GRM5: variants seen among roughly 807,000 people sequenced by gnomAD.
GRM5 encodes metabotropic glutamate receptor 5.
A neutral mutation model predicts 83.1 loss-of-function variants in GRM5; 19 were observed. That is an observed-to-expected ratio of 0.23 (90% CI 0.16 to 0.34). The LOEUF is 0.34. Among genes scored for constraint, GRM5 ranks in the 10% least tolerant of loss-of-function variants. GRM5 has a pLI of 1.00. For synonymous variants in GRM5, 675 were observed against 633.6 expected (o/e 1.07, Z -0.98); for missense variants, 1,160 against 1,588.3 (o/e 0.73, Z 4.58).
intron 3 of GRM5, among the ~76,000 whole-genome samples, chr11:88,675,044 A>T (rs987132720): frequency 6.6e-6 from 1 of 151,894 alleles, no homozygotes; most frequent in Non-Finnish European, 1.5e-5. Context: ...TATGGTACCA[A>T]TGTTCACTTC....
In GRM5 at chr11:88,508,835, C is replaced by G; in HGVS notation, c.3396G>C (p.Gly1132=). The G allele has an allele frequency of 6.5e-7, 1 of 1,546,188 alleles. No homozygotes were observed. Among genetic ancestry groups the G allele is most frequent in the Non-Finnish European group, 8.7e-7 (1 of 1,146,740 alleles). The change falls in exon 10 of 10, where the codon GGG becomes GGC. Residue 1132 remains glycine, a synonymous_variant. Transcript: ENST00000305447. This position sits in a 1 kb window ranked among gnomAD's most constrained non-coding sequence, Gnocchi z 4.2. ...EVTGGAQPAA[G]AQAAGDAARE... Reference sequence around the variant, plus strand: ...GGGCCGCGTCCCCAGCCGCCTGCGCCCCTGCCGCGGGCTGCGCGCCTCCCG... The same window carrying G: ...GGGCCGCGTCCCCAGCCGCCTGCGCGCCTGCCGCGGGCTGCGCGCCTCCCG...
At chr11:88,601,101 T>G (rs1450037240) in intron 5 of GRM5, among the ~76,000 whole-genome samples, 1 of 152,222 alleles carries the variant, frequency 6.6e-6, no homozygotes. Context: ...AATTTTTACT[T>G]GATGATTGTG....
chr11:88,754,720 A>C (rs1232045356), intron 3 of GRM5, among the ~76,000 whole-genome samples: 1 of 152,164 alleles, frequency 6.6e-6, no homozygotes, highest in Non-Finnish European at 1.5e-5. Context: ...ATCTGTGTTC[A>C]TACATATTAA....
At chr11:88,751,223 A>C (rs1942268625) in intron 3 of GRM5, among the ~76,000 whole-genome samples, 1 of 152,064 alleles carries the variant, frequency 6.6e-6, no homozygotes. Flanking sequence ...ATTAAAAAGA[A>C]GGAAAAAGAG....
intron 4 of GRM5, among the ~76,000 whole-genome samples, chr11:88,619,407 G>A (rs1938573184): frequency 6.6e-6 from 1 of 152,146 alleles, no homozygotes; most frequent in Non-Finnish European, 1.5e-5. Flanking sequence ...TAATTCAGAA[G>A]ATGTGACAAC....
chr11:88,817,537 C>A (rs1360914475), intron 3 of GRM5, among the ~76,000 whole-genome samples: 1 of 151,994 alleles, frequency 6.6e-6, no homozygotes, highest in African/African-American at 2.4e-5. Context: ...TTTCTAATTT[C>A]TTTGACTAAT....
At chr11:89,059,778 C>G (rs867969832) in intron 1 of GRM5, among the ~76,000 whole-genome samples, 2 of 151,924 alleles carry the variant, frequency 1.3e-5, no homozygotes, top group East Asian at 3.9e-4. Flanking sequence ...ATTTATTTTT[C>G]TCTTTATGTC....
chr11:89,051,033 A>G (rs1941747735), intron 1 of GRM5, among the ~76,000 whole-genome samples: 1 of 152,142 alleles, frequency 6.6e-6, no homozygotes, highest in Non-Finnish European at 1.5e-5. Context: ...AATAATACGT[A>G]CAACAAATCC....
intron 3 of GRM5, among the ~76,000 whole-genome samples, chr11:88,727,152 G>A (rs1941704140): frequency 6.6e-6 from 1 of 152,156 alleles, no homozygotes; most frequent in African/African-American, 2.4e-5. Context: ...CCCATCTCAT[G>A]TGCAAAGACG....
intron 2 of GRM5, among the ~76,000 whole-genome samples, chr11:88,852,044 T>TA (rs1944396858): frequency 6.6e-6 from 1 of 152,254 alleles, no homozygotes; most frequent in Non-Finnish European, 1.5e-5. Context: ...TGTTTTGATT[T>TA]AAGGCAGAGG....
intron 2 of GRM5, among the ~76,000 whole-genome samples, chr11:89,006,458 C>G (rs1436099703): frequency 2.6e-5 from 4 of 152,184 alleles, no homozygotes; most frequent in African/African-American, 9.7e-5. Context: ...CTAACCCATT[C>G]TCCACCATCC....
At chr11:88,767,963 G>A (rs1418744653) in intron 3 of GRM5, among the ~76,000 whole-genome samples, 1 of 151,954 alleles carries the variant, frequency 6.6e-6, no homozygotes, top group East Asian at 1.9e-4. Flanking sequence ...AAGAATGTAG[G>A]GAAATTGGAA....
chr11:88,748,773 C>G (rs931709657), intron 3 of GRM5, among the ~76,000 whole-genome samples: 3 of 152,098 alleles, frequency 2.0e-5, no homozygotes, highest in African/African-American at 7.2e-5. Context: ...ACAGCCTTCA[C>G]TGGTGATACC....
chr11:88,747,067 C>A (rs35790407), intron 3 of GRM5, among the ~76,000 whole-genome samples: 31,552 of 152,064 alleles, frequency 0.21, 4,394 homozygotes, highest in Non-Finnish European at 0.31. Context: ...AAAGAAGACA[C>A]CCCGTTATCC....
At chr11:88,994,476 TA>T (rs2135055846) in intron 2 of GRM5, among the ~76,000 whole-genome samples, 1 of 138,132 alleles carries the variant, frequency 7.2e-6, no homozygotes, top group African/African-American at 2.8e-5. Context: ...TATATATATA[TA>T]TATATATATT....
intron 2 of GRM5, among the ~76,000 whole-genome samples, chr11:88,870,687 T>C (rs1944751100): frequency 6.6e-6 from 1 of 151,516 alleles, no homozygotes; most frequent in South Asian, 2.1e-4. Context: ...TGTGGACACA[T>C]GGATTACCAC....
intron 3 of GRM5, among the ~76,000 whole-genome samples, chr11:88,765,896 T>A (rs1427858173): frequency 6.6e-6 from 1 of 151,572 alleles, no homozygotes; most frequent in Non-Finnish European, 1.5e-5. Context: ...ATCAACAGAA[T>A]AAAAAGGAAA....
At chr11:88,840,285 A>C (rs1169731956) in intron 3 of GRM5, among the ~76,000 whole-genome samples, 1 of 152,020 alleles carries the variant, frequency 6.6e-6, no homozygotes, top group East Asian at 1.9e-4. Flanking sequence ...AATAACTGAA[A>C]CCCTCCTGCC....
intron 4 of GRM5, among the ~76,000 whole-genome samples, chr11:88,616,782 T>C (rs1938497354): frequency 6.6e-6 from 1 of 152,166 alleles, no homozygotes; most frequent in Non-Finnish European, 1.5e-5. Flanking sequence ...TATTAAACAT[T>C]CAATACAAAA....
Sources: allele counts gnomAD v4.1 joint callset (sites outside exome capture counted in the v4.1 genomes callset), GRCh38; gene constraint gnomAD v4.1.1; non-coding constraint Gnocchi (gnomAD v3.1); transcripts MANE v1.5; gene names NCBI Gene and HGNC (gene_info 2026-07-23, HGNC 2026-07-21).